Variants in B3GAT2 observed in about 807,000 individuals in gnomAD.
B3GAT2 encodes beta-1,3-glucuronyltransferase 2, also known as galactosylgalactosylxylosylprotein 3-beta-glucuronosyltransferase 2.
A neutral mutation model predicts 27.8 loss-of-function variants in B3GAT2; 26 were observed. That is an observed-to-expected ratio of 0.93 (90% CI 0.68 to 1.30). The LOEUF (loss-of-function observed/expected upper bound fraction) is 1.30. Ranked by LOEUF, B3GAT2 falls within the 50% of genes most tolerant of loss-of-function variation. B3GAT2 has a pLI of 0.00. For synonymous variants in B3GAT2, 218 were observed against 195.1 expected, an observed-to-expected ratio of 1.12 and a Z score of -0.98; for missense variants, 458 against 459.0, an observed-to-expected ratio of 1.00 and a Z score of 0.02.
chr6:70,927,725 A>C (rs1403618961), intron 1 of B3GAT2, among the ~76,000 whole-genome samples: 1 of 152,110 alleles, frequency 6.6e-6, no homozygotes, highest in African/African-American at 2.4e-5. Context: ...AACAATAATA[A>C]TGGGAGACAA....
rs68188898 is a variant in B3GAT2 at position 70,858,287 on chromosome 6, CTTTTTTTTTTTTT to C, written c.*3363_*3375del. On this transcript the variant is annotated 3_prime_UTR_variant, in exon 4 of 4. Coordinates refer to ENST00000230053, the MANE Select transcript of B3GAT2 (RefSeq NM_080742.3). Reference sequence around the variant, plus strand: ...ATCAAACCAGATTTATTTTCTAAATCTTTTTTTTTTTTTTTTTTTTTTTTTTTTAAGTCTAGTG... The same window carrying C: ...ATCAAACCAGATTTATTTTCTAAATCTTTTTTTTTTTTTTTAAGTCTAGTG... 6.1e-4 allele frequency: 176 copies of C among 290,692 alleles called. 1 individual carries two copies. Among genetic ancestry groups the C allele is most frequent in the Middle Eastern group, 1.3e-3 (1 of 770 alleles). 18.0% of individuals were successfully genotyped at this position (290,692 alleles called of 1,614,324 possible). A position where few individuals can be genotyped will look rare whatever the true frequency, so the allele number is the denominator to read the frequency against.
At chr6:70,908,385 C>T (rs1772634308) in intron 1 of B3GAT2, among the ~76,000 whole-genome samples, 1 of 152,132 alleles carries the variant, frequency 6.6e-6, no homozygotes, top group Admixed American at 6.5e-5. Flanking sequence ...TTAATTTTTC[C>T]ACCCATTAGT....
At chr6:70,879,204 GT>G (rs746140750) in intron 2 of B3GAT2, among the ~76,000 whole-genome samples, 1 of 150,524 alleles carries the variant, frequency 6.6e-6, no homozygotes, top group Non-Finnish European at 1.5e-5. Flanking sequence ...TGTTGTTGTT[GT>G]TTGTTTTTTG....
intron 2 of B3GAT2, among the ~76,000 whole-genome samples, chr6:70,888,564 G>C (rs973550476): frequency 8.6e-5 from 13 of 152,002 alleles, no homozygotes; most frequent in African/African-American, 3.1e-4. Flanking sequence ...TACCCAGATG[G>C]CTGCCTGAGC....
At chr6:70,877,548 A>C (rs2150025625) in intron 2 of B3GAT2, among the ~76,000 whole-genome samples, 1 of 152,196 alleles carries the variant, frequency 6.6e-6, no homozygotes, top group East Asian at 1.9e-4. Flanking sequence ...ACTCCTTCAA[A>C]GGGGCTTCTA....
intron 1 of B3GAT2, among the ~76,000 whole-genome samples, chr6:70,920,345 A>G (rs2150041912): frequency 6.6e-6 from 1 of 152,332 alleles, no homozygotes; most frequent in South Asian, 2.1e-4. Context: ...TCCCTTGGAT[A>G]GGAAAGGGAA....
chr6:70,860,637 A>G lies in B3GAT2; in HGVS notation c.*1026T>C. The G allele has an allele frequency of 2.3e-6, 1 of 427,012 alleles. No individual in the cohort carries two copies. Among genetic ancestry groups the G allele is most frequent in the Non-Finnish European group, 4.1e-6 (1 of 242,484 alleles). 26.5% of individuals were successfully genotyped at this position (427,012 alleles called of 1,614,324 possible). A position where few individuals can be genotyped will look rare whatever the true frequency, so the allele number is the denominator to read the frequency against. On this transcript the variant is annotated 3_prime_UTR_variant, in exon 4 of 4. Coordinates refer to ENST00000230053, the MANE Select transcript of B3GAT2 (RefSeq NM_080742.3). ...TTCCTCTCAATAAAATTATAGCTCT[A>G]ATGTTTGCATATAAGGGAAGTAGTT... is the stretch of plus-strand genomic sequence containing the variant.
At chr6:70,951,844 G>A (rs1315605466) in intron 1 of B3GAT2, among the ~76,000 whole-genome samples, 1 of 151,882 alleles carries the variant, frequency 6.6e-6, no homozygotes, top group African/African-American at 2.4e-5. Context: ...AAATACAAGG[G>A]GCACATTTCA....
chr6:70,956,823 A>G lies in B3GAT2; in HGVS notation c.-394T>C. 1.9e-6 allele frequency: 2 copies of G among 1,068,234 alleles called. No individual in the cohort carries two copies. The highest frequency in any genetic ancestry group is 2.3e-6 in the Non-Finnish European group (2 of 882,424). 66.2% of individuals were successfully genotyped at this position (1,068,234 alleles called of 1,614,324 possible). Reference sequence around the variant, plus strand: ...GGCACCCGGTGCGCCTCGCCGCTCCAGTCCGGCGGTGCTGCGGGCACAAGG... The same window carrying G: ...GGCACCCGGTGCGCCTCGCCGCTCCGGTCCGGCGGTGCTGCGGGCACAAGG... On this transcript the variant is annotated 5_prime_UTR_variant, in exon 1 of 4. Transcript: ENST00000230053.
intron 1 of B3GAT2, among the ~76,000 whole-genome samples, chr6:70,904,600 A>T (rs1772566384): frequency 6.6e-6 from 1 of 152,186 alleles, no homozygotes; most frequent in Non-Finnish European, 1.5e-5. Context: ...AAACGCCAAG[A>T]AGTGCTCAAA....
At chr6:70,948,267 A>G (rs1452323270) in intron 1 of B3GAT2, among the ~76,000 whole-genome samples, 3 of 147,724 alleles carry the variant, frequency 2.0e-5, no homozygotes, top group Non-Finnish European at 4.5e-5. Context: ...AGGGTATTCA[A>G]TTAGGAAAAG....
At chr6:70,935,491 T>C (rs1365966565) in intron 1 of B3GAT2, among the ~76,000 whole-genome samples, 3 of 152,002 alleles carry the variant, frequency 2.0e-5, no homozygotes, top group African/African-American at 7.3e-5. Context: ...TATATCTCCA[T>C]CCAAATGTCA....
At chr6:70,912,934 T>G (rs544682901) in intron 1 of B3GAT2, among the ~76,000 whole-genome samples, 1 of 152,264 alleles carries the variant, frequency 6.6e-6, no homozygotes, top group East Asian at 1.9e-4. Context: ...TCGTTTCTTG[T>G]AGGTTTTTTA....
In B3GAT2 at chr6:70,857,068, A is replaced by G. The variant is rs1381356179; in HGVS notation, c.*4595T>C. 9.7e-6 allele frequency: 15 copies of G among 1,549,336 alleles called. No individual in the cohort carries two copies. Among genetic ancestry groups the G allele is most frequent in the Non-Finnish European group, 1.3e-5 (15 of 1,141,494 alleles). On this transcript the variant is annotated 3_prime_UTR_variant, in exon 4 of 4. Coordinates refer to ENST00000230053, the MANE Select transcript of B3GAT2 (RefSeq NM_080742.3). ...GATATCTGCTTTCAGTGACATTACT[A>G]GAAGTACATCCTTTGTAATTATATA...
chr6:70,935,789 T>C (rs1053510016), intron 1 of B3GAT2, among the ~76,000 whole-genome samples: 1 of 152,194 alleles, frequency 6.6e-6, no homozygotes, highest in African/African-American at 2.4e-5. Flanking sequence ...TACCAGCCAC[T>C]GCAAAATCAT....
intron 2 of B3GAT2, among the ~76,000 whole-genome samples, chr6:70,877,184 A>G (rs944261529): frequency 6.6e-5 from 10 of 152,156 alleles, no homozygotes; most frequent in Middle Eastern, 3.2e-3. Context: ...GCTGCACTAG[A>G]TGGTTCAGGT....
chr6:70,927,335 T>C (rs147343814), intron 1 of B3GAT2, among the ~76,000 whole-genome samples: 68 of 152,274 alleles, frequency 4.5e-4, no homozygotes, highest in African/African-American at 1.4e-3. Context: ...AATATTAACC[T>C]TCAATGTAAA....
At chr6:70,900,990 T>C (rs1327769756) in intron 1 of B3GAT2, among the ~76,000 whole-genome samples, 3 of 152,062 alleles carry the variant, frequency 2.0e-5, no homozygotes, top group Non-Finnish European at 4.4e-5. Context: ...ATGGGACCCA[T>C]GAACTAAGAA....
intron 1 of B3GAT2, among the ~76,000 whole-genome samples, chr6:70,902,335 A>T (rs1277863396): frequency 1.4e-5 from 2 of 139,242 alleles, no homozygotes; most frequent in Non-Finnish European, 3.1e-5. Flanking sequence ...CATCCATGCT[A>T]AAAAAAAAAA....
Sources: allele counts gnomAD v4.1 joint callset (sites outside exome capture counted in the v4.1 genomes callset), GRCh38; gene constraint gnomAD v4.1.1; transcripts MANE v1.5; gene names NCBI Gene and HGNC (gene_info 2026-07-23, HGNC 2026-07-21).